Variants in TP63 observed in about 807,000 individuals in gnomAD.
TP63 encodes tumor protein 63.
TP63 carries 17 observed loss-of-function variants against 82.8 expected under a neutral mutation model. The observed-to-expected ratio is 0.21, with a 90% CI of 0.14 to 0.31. TP63 has a LOEUF of 0.31. Among genes scored for constraint, TP63 ranks in the 10% least tolerant of loss-of-function variants. The pLI, the probability that TP63 is intolerant of heterozygous loss-of-function variation, is 1.00. For missense variants in TP63, 648 were observed against 895.3 expected (o/e 0.72, Z 3.52); for synonymous variants, 330 against 321.7 (o/e 1.03, Z -0.28).
intron 3 of TP63, among the ~76,000 whole-genome samples, chr3:189,750,125 G>GAAAAAAAAAAAA (rs71175309): frequency 1.0e-5 from 1 of 95,514 alleles, no homozygotes; most frequent in Non-Finnish European, 2.2e-5. Flanking sequence ...CTCTGTCTCA[G>GAAAAAAAAAAAA]AAAAAAAAAA....
intron 3 of TP63, among the ~76,000 whole-genome samples, chr3:189,765,246 GAAA>G (rs71175310): frequency 2.6e-5 from 4 of 151,134 alleles, no homozygotes; most frequent in African/African-American, 7.3e-5. Flanking sequence ...ATATAGAGCA[GAAA>G]AAAAAAATCA....
At chr3:189,648,974 C>T (rs9811214) in intron 1 of TP63, among the ~76,000 whole-genome samples, 54,266 of 145,876 alleles carry the variant, frequency 0.37, 13,664 homozygotes, top group Middle Eastern at 0.57. Context: ...AATCAAATAG[C>T]CTTGTTGTTA....
chr3:189,777,845 C>CTTTTTTTTT lies in TP63; in HGVS notation c.325-30407_325-30399dup, dbSNP rs55731981. Among the ~76,000 whole-genome samples the CTTTTTTTTT allele has an allele frequency of 3.4e-3, 128 of 37,780 alleles. 2 individuals carry two copies. The highest frequency in any genetic ancestry group is 3.6e-3 in the Non-Finnish European group (79 of 21,854). The allele number at this position is 37,780 out of a possible 152,430, so 24.8% of individuals were successfully genotyped here. ...GAGTCTTCTTCTTCTTCTTCTTCTT[C>CTTTTTTTTT]TTTTTTTTTTTTTTTTTTTTTTTTT... On this transcript the variant is annotated intron_variant, in intron 3 of 13. Transcript: ENST00000264731.
chr3:189,665,341 A>G (rs577374804), intron 1 of TP63, among the ~76,000 whole-genome samples: 1 of 152,246 alleles, frequency 6.6e-6, no homozygotes, highest in Admixed American at 6.5e-5. Context: ...TATCACAAAT[A>G]TTGATCAGCT....
At chr3:189,795,574 A>G (rs1202225231) in intron 3 of TP63, among the ~76,000 whole-genome samples, 6 of 152,016 alleles carry the variant, frequency 3.9e-5, no homozygotes, top group African/African-American at 1.4e-4. Context: ...AATACAAGGG[A>G]GGACTGTGCC....
chr3:189,686,883 A>G (rs2108708417), intron 1 of TP63, among the ~76,000 whole-genome samples: 1 of 152,054 alleles, frequency 6.6e-6, no homozygotes, highest in South Asian at 2.1e-4. Context: ...GGCACCTGCC[A>G]CCACGCCCAG....
At chr3:189,869,013 C>T (rs981237885) in intron 8 of TP63, among the ~76,000 whole-genome samples, 9 of 150,210 alleles carry the variant, frequency 6.0e-5, no homozygotes, top group Admixed American at 2.0e-4. Flanking sequence ...CAGCAAGATA[C>T]GGGCTTTCCT....
At chr3:189,805,356 T>C (rs547169658) in intron 3 of TP63, among the ~76,000 whole-genome samples, 1 of 152,374 alleles carries the variant, frequency 6.6e-6, no homozygotes, top group Admixed American at 6.5e-5. Flanking sequence ...AAGTATGGCC[T>C]CTGTATTTTC....
rs370276256 is a variant in TP63 at position 189,773,603 on chromosome 3, A to AT, written c.325-34662dup. The stretch of plus-strand genomic sequence containing the variant: ...AAAGAACAATAGTGGCTGCCACATT[A>AT]TTTTTTTAGGTAACTTTGCTCTTTA... On this transcript the variant is annotated intron_variant, in intron 3 of 13. Transcript: ENST00000264731. 1.4e-3 allele frequency among the ~76,000 whole-genome samples: 219 copies of AT among 152,282 alleles called. 1 individual carries two copies. Among genetic ancestry groups the AT allele is most frequent in the African/African-American group, 5.1e-3 (213 of 41,546 alleles).
At chr3:189,812,391 C>T (rs891262439) in intron 4 of TP63, among the ~76,000 whole-genome samples, 3 of 152,106 alleles carry the variant, frequency 2.0e-5, no homozygotes, top group Non-Finnish European at 2.9e-5. Context: ...GACAAACCAA[C>T]GTTTACTTTA....
At chr3:189,653,037 G>C (rs1366097726) in intron 1 of TP63, among the ~76,000 whole-genome samples, 1 of 120,658 alleles carries the variant, frequency 8.3e-6, no homozygotes, top group Non-Finnish European at 1.7e-5. Flanking sequence ...TAATCAGCAT[G>C]TTCTTTTTCT....
At chr3:189,789,552 G>T in intron 3 of TP63, 1 of 673,830 alleles carries the variant, frequency 1.5e-6, no homozygotes. Flanking sequence ...CACTCCATTG[G>T]AGTGGAGGAG....
chr3:189,863,113 G>A (rs1399935144), intron 4 of TP63, among the ~76,000 whole-genome samples: 1 of 152,154 alleles, frequency 6.6e-6, no homozygotes, highest in Non-Finnish European at 1.5e-5. Context: ...TGCCACTATG[G>A]CTCTGCCCCC....
At chr3:189,841,953 C>T (rs34843755) in intron 4 of TP63, among the ~76,000 whole-genome samples, 8,386 of 152,122 alleles carry the variant, frequency 0.055, 583 homozygotes, top group African/African-American at 0.16. Flanking sequence ...GTAGGGCTAT[C>T]GTTTTTGTAG....
intron 3 of TP63, among the ~76,000 whole-genome samples, chr3:189,794,336 TAC>T (rs143070484): frequency 0.1 from 15,699 of 151,986 alleles, 1,026 homozygotes; most frequent in East Asian, 0.26. Context: ...GCAATTATAA[TAC>T]AGGAGAGATT....
intron 4 of TP63, among the ~76,000 whole-genome samples, chr3:189,863,457 C>A (rs529663489): frequency 6.6e-6 from 1 of 152,282 alleles, no homozygotes; most frequent in African/African-American, 2.4e-5. Context: ...TGCCAACTTA[C>A]AAGCAACTAA....
rs528685824 is a variant in TP63, at chr3:189,686,153, G to A, written c.63-51587G>A. Among the ~76,000 whole-genome samples the A allele has an allele frequency of 1.6e-4, 25 of 152,314 alleles. No individual in the cohort carries two copies. In the South Asian group the frequency reaches 5.2e-3, roughly 32 times the overall value. ...TGACTCGTCATTTCCGGAGGGAAAG[G>A]AAAGCACAGAGGAATGTGTACTCTT... On this transcript the variant is annotated intron_variant, in intron 1 of 13. Transcript: ENST00000264731.
At chr3:189,631,232 C>T (rs556771155), upstream of TP63, 24 of 985,298 alleles carry the variant, frequency 2.4e-5, no homozygotes, top group African/African-American at 1.7e-4. Context: ...ACTCTGAAGC[C>T]GTGAGAGAGG....
At chr3:189,682,292 C>T (rs937795181) in intron 1 of TP63, among the ~76,000 whole-genome samples, 2 of 150,102 alleles carry the variant, frequency 1.3e-5, no homozygotes, top group Non-Finnish European at 3.0e-5. Context: ...TCAACTTTGC[C>T]ATAAATCAAA....
Sources: gnomAD v4.1 joint callset for allele counts (sites outside exome capture counted in the v4.1 genomes callset) on GRCh38, gnomAD v4.1.1 for gene constraint, MANE v1.5 for transcripts, NCBI Gene and HGNC (gene_info 2026-07-23, HGNC 2026-07-21) for gene names.